MAP3K19: variants seen among roughly 807,000 people sequenced by gnomAD.
MAP3K19 encodes mitogen-activated protein kinase kinase kinase 19, also known as SPS1/STE20-related protein kinase YSK4.
A neutral mutation model predicts 114.4 loss-of-function variants in MAP3K19; 91 were observed. That is an observed-to-expected ratio of 0.80 (90% CI 0.67 to 0.95). The LOEUF (loss-of-function observed/expected upper bound fraction) is 0.95, where lower values mean the gene tolerates loss of function less well. Ranked by LOEUF, MAP3K19 falls within the 40% of genes least tolerant of loss-of-function variation. MAP3K19 has a pLI of 0.00. For synonymous variants in MAP3K19, 518 were observed against 530.5 expected (o/e 0.98, Z 0.32); for missense variants, 1,471 against 1,573.2 (o/e 0.94, Z 1.10).
At chr2:134,966,614 G>A (rs1683368426) in intron 12 of MAP3K19, among the ~76,000 whole-genome samples, 1 of 151,696 alleles carries the variant, frequency 6.6e-6, no homozygotes, top group Non-Finnish European at 1.5e-5. Flanking sequence ...CTTAGAGGTT[G>A]GGAACTTGGG....
intron 12 of MAP3K19, among the ~76,000 whole-genome samples, chr2:134,975,805 G>C (rs1684196741): frequency 6.6e-6 from 1 of 152,186 alleles, no homozygotes; most frequent in South Asian, 2.1e-4. Context: ...AAGCGGGTGG[G>C]GTCACTGCCA....
At position 134,986,854 on chromosome 2, in the gene MAP3K19, T is replaced by C; in HGVS notation, c.2018A>G (p.His673Arg). ...TTCATCCCTTTCAGTCTCTCGCACA[T>C]GACAATAAACAGGGGTCCCAAACAT... The part of the protein sequence containing the change: ...YEMFGTPVYC[H>R]VRETERDENT... Residue 673 changes from histidine to arginine, a missense_variant, in exon 10 of 13, where the codon CAT becomes CGT. By Grantham distance (29) the His-to-Arg change is conservative. Transcript: ENST00000392915. The C allele has an allele frequency of 5.0e-6, 8 of 1,614,208 alleles. No homozygotes were observed. Among genetic ancestry groups the C allele is most frequent in the Non-Finnish European group, 6.8e-6 (8 of 1,180,026 alleles).
intron 10 of MAP3K19, among the ~76,000 whole-genome samples, chr2:134,984,682 G>A (rs1011792447): frequency 2.6e-5 from 4 of 152,192 alleles, no homozygotes; most frequent in Non-Finnish European, 4.4e-5. Context: ...GCTGGGCGCC[G>A]TGGCTCACGC....
chr2:135,035,642 G>A (rs1366273879), intron 2 of MAP3K19, among the ~76,000 whole-genome samples: 2 of 152,138 alleles, frequency 1.3e-5, no homozygotes, highest in African/African-American at 2.4e-5. Context: ...AAACATGGAA[G>A]TGGCCACTTT....
At position 135,005,641 on chromosome 2, in the gene MAP3K19, T is replaced by G. The variant is rs1347998120; in HGVS notation, c.139-110A>C. ...CTAAAGATTTACACCATGGATTCCT[T>G]TTAAATTGGATAAAGTATTTAGGAC... On this transcript the variant is annotated intron_variant, in intron 5 of 12. Transcript: ENST00000392915. The G allele has an allele frequency of 3.9e-6, 3 of 769,632 alleles. No individual in the cohort carries two copies. In the African/African-American group the frequency reaches 5.2e-5, roughly 13 times the overall value. The allele number at this position is 769,632 out of a possible 1,614,324, so 47.7% of individuals were successfully genotyped here.
intron 8 of MAP3K19, among the ~76,000 whole-genome samples, chr2:134,992,729 G>A (rs2105263512): frequency 6.6e-6 from 1 of 151,872 alleles, no homozygotes; most frequent in African/African-American, 2.4e-5. Context: ...GAGTATAGTG[G>A]CATGATCTCA....
chr2:135,013,215 G>A (rs1687354693), intron 5 of MAP3K19, among the ~76,000 whole-genome samples: 1 of 151,654 alleles, frequency 6.6e-6, no homozygotes, highest in African/African-American at 2.4e-5. Flanking sequence ...AGTTACTCAG[G>A]AAGCTGAGGC....
At position 134,985,664 on chromosome 2, in the gene MAP3K19, T is replaced by G. The variant is rs1009979658; in HGVS notation, c.3072+136A>C. 7 of 757,154 alleles carry G rather than the reference T, an allele frequency of 9.2e-6. No individual in the cohort carries two copies. The African/African-American group carries it at 1.3e-4, about 14-fold the overall frequency. The allele number at this position is 757,154 out of a possible 1,614,324, so 46.9% of individuals were successfully genotyped here. On this transcript the variant is annotated intron_variant, in intron 10 of 12. Transcript: ENST00000392915. Reference sequence around the variant, plus strand: ...GAGGACCTGATTTCCAACCTTGTGATCAAACAGTGAGACCTTGAAAAAACT... The same window carrying G: ...GAGGACCTGATTTCCAACCTTGTGAGCAAACAGTGAGACCTTGAAAAAACT...
Position 135,033,315 on chromosome 2 carries a change from G to A in MAP3K19, c.-283-2815C>T, listed in dbSNP as rs562261950. 1.5e-3 allele frequency among the ~76,000 whole-genome samples: 187 copies of A among 121,876 alleles called. 42 individuals are homozygous for A. The highest frequency in any genetic ancestry group is 6.7e-3 in the African/African-American group (166 of 24,646). The allele number at this position is 121,876 out of a possible 152,430, so 80.0% of individuals were successfully genotyped here. On this transcript the variant is annotated intron_variant, in intron 2 of 12. Transcript: ENST00000392915. ...GGGCTCCTCACCTCCCAGTAGGAGC[G>A]GCTGGGCAGAGGCGCCCCTCACCTC...
intron 11 of MAP3K19, among the ~76,000 whole-genome samples, chr2:134,982,405 G>A (rs528271459): frequency 6.7e-6 from 1 of 148,260 alleles, no homozygotes; most frequent in East Asian, 2.0e-4. Context: ...AGGCTGGAGT[G>A]CAGTGGTGTG....
chr2:135,011,605 C>G (rs192481259), intron 5 of MAP3K19, among the ~76,000 whole-genome samples: 46 of 151,830 alleles, frequency 3.0e-4, no homozygotes, highest in Admixed American at 2.6e-3. Flanking sequence ...TGGCTCACAC[C>G]TGTAATTCCT....
chr2:135,028,305 C>T (rs543267798), intron 3 of MAP3K19, among the ~76,000 whole-genome samples: 1 of 152,034 alleles, frequency 6.6e-6, no homozygotes. Context: ...CCTGTAATCC[C>T]AGCACTTTAG....
intron 5 of MAP3K19, among the ~76,000 whole-genome samples, chr2:135,011,121 C>A (rs995452677): frequency 6.6e-5 from 10 of 152,092 alleles, no homozygotes; most frequent in Non-Finnish European, 1.3e-4. Context: ...GGGATTTAAA[C>A]CCCAGTTAAA....
intron 4 of MAP3K19, chr2:135,023,167 C>A (rs890129642): frequency 3.9e-6 from 1 of 257,768 alleles, no homozygotes; most frequent in African/African-American, 2.2e-5. Context: ...TGCAATCTAT[C>A]TTCTGCCTAC....
At chr2:135,022,657 T>G (rs1206975762) in intron 4 of MAP3K19, among the ~76,000 whole-genome samples, 2 of 152,200 alleles carry the variant, frequency 1.3e-5, no homozygotes, top group African/African-American at 4.8e-5. Context: ...ACACAGGGCC[T>G]TACAGACCAT....
At chr2:135,036,352 T>C (rs1688524462) in intron 2 of MAP3K19, among the ~76,000 whole-genome samples, 1 of 152,208 alleles carries the variant, frequency 6.6e-6, no homozygotes, top group Non-Finnish European at 1.5e-5. Flanking sequence ...GTGTTTCACC[T>C]TCATTCAAAT....
intron 3 of MAP3K19, among the ~76,000 whole-genome samples, chr2:135,026,837 G>A (rs1688268082): frequency 6.6e-6 from 1 of 152,126 alleles, no homozygotes; most frequent in Non-Finnish European, 1.5e-5. Flanking sequence ...GTAACTACCA[G>A]AACAGTAATC....
At chr2:134,997,917 G>C (rs909398628) in intron 8 of MAP3K19, among the ~76,000 whole-genome samples, 17 of 150,444 alleles carry the variant, frequency 1.1e-4, no homozygotes, top group Non-Finnish European at 5.9e-5. Context: ...TTCTTTTTTG[G>C]TAGGATGTGT....
intron 12 of MAP3K19, among the ~76,000 whole-genome samples, chr2:134,970,362 T>C (rs1017358737): frequency 6.6e-6 from 1 of 152,136 alleles, no homozygotes; most frequent in Admixed American, 6.5e-5. Flanking sequence ...TATTTTATTT[T>C]TGTAGCCATT....
Sources: gnomAD v4.1 joint callset for allele counts (sites outside exome capture counted in the v4.1 genomes callset) on GRCh38, gnomAD v4.1.1 for gene constraint, MANE v1.5 for transcripts, NCBI Gene and HGNC (gene_info 2026-07-23, HGNC 2026-07-21) for gene names.